Variants in APC observed in about 807,000 individuals in gnomAD.
APC encodes the protein APC regulator of Wnt signaling pathway.
Under a neutral mutation model 247.0 loss-of-function variants are expected in APC, and 72 were observed. The observed-to-expected ratio is 0.29, with a 90% CI of 0.24 to 0.35. The LOEUF is 0.35. Among genes scored for constraint, APC ranks in the 10% least tolerant of loss-of-function variants. The pLI, the probability that APC is intolerant of heterozygous loss-of-function variation, is 1.00. For synonymous variants in APC, 1,254 were observed against 1,162.5 expected (o/e 1.08, Z -1.60); for missense variants, 3,400 against 3,360.7 (o/e 1.01, Z -0.29).
rs1060503319 is a variant in APC at position 112,841,070 on chromosome 5, A to G, written c.5476A>G (p.Lys1826Glu). ...AAATAATTCCAAGGTCTTCAATGAT[A>G]AGCTCCCAAATAATGAAGATAGAGT... ...LKNNSKVFND[K>E]LPNNEDRVRG... The change falls in exon 16 of 16, where the codon AAG becomes GAG. Residue 1826 changes from lysine to glutamate, a missense_variant. Coordinates refer to ENST00000257430, the MANE Select transcript of APC (RefSeq NM_000038.6). This position sits in a 1 kb window ranked among gnomAD's most constrained non-coding sequence, Gnocchi z 4.6. 1 of 1,612,604 alleles carries G rather than the reference A, an allele frequency of 6.2e-7. No homozygotes were observed. Among genetic ancestry groups the G allele is most frequent in the East Asian group, 2.2e-5 (1 of 44,864 alleles).
rs2150012882 is a variant in APC, at chr5:112,845,757, T to C, written c.*1631T>C. 1 of 232,152 alleles carries C rather than the reference T, an allele frequency of 4.3e-6. No homozygotes were observed. The highest frequency in any genetic ancestry group is 1.8e-4 in the South Asian group (1 of 5,516). The allele number at this position is 232,152 out of a possible 1,614,324, so 14.4% of individuals were successfully genotyped here. ...TTATTAACTAAGATAATTTACTTAATATATCTTCCCTGATTTGTTTTAAAA... is the reference window on the plus strand; with the variant it reads ...TTATTAACTAAGATAATTTACTTAACATATCTTCCCTGATTTGTTTTAAAA... On this transcript the variant is annotated 3_prime_UTR_variant, in exon 16 of 16. Coordinates refer to ENST00000257430, the MANE Select transcript of APC (RefSeq NM_000038.6).
At chr5:112,725,374 C>G (rs1042489427) in intron 1 of APC, among the ~76,000 whole-genome samples, 2 of 152,040 alleles carry the variant, frequency 1.3e-5, no homozygotes, top group Non-Finnish European at 1.5e-5. Flanking sequence ...GGTTCTGTTC[C>G]CCAGAGGAAG....
At chr5:112,824,910 AGTTTTT>A (rs1356182217) in intron 11 of APC, among the ~76,000 whole-genome samples, 2 of 151,816 alleles carry the variant, frequency 1.3e-5, no homozygotes, top group Admixed American at 6.6e-5. Context: ...CTTCTGTTAT[AGTTTTT>A]GTTTTTGTTT....
intron 1 of APC, among the ~76,000 whole-genome samples, chr5:112,727,351 A>G (rs370011229): frequency 2.0e-4 from 30 of 152,324 alleles, no homozygotes; most frequent in East Asian, 5.8e-4. Context: ...GCATTAGGCA[A>G]TGCCATCTGC....
At chr5:112,708,065 C>T (rs1425135491) in intron 1 of APC, among the ~76,000 whole-genome samples, 1 of 152,236 alleles carries the variant, frequency 6.6e-6, no homozygotes, top group Non-Finnish European at 1.5e-5. Context: ...TTTGCAGGTC[C>T]TCCATTCTCA....
intron 1 of APC, among the ~76,000 whole-genome samples, chr5:112,741,737 C>T (rs1242774173): frequency 6.6e-6 from 1 of 152,076 alleles, no homozygotes; most frequent in Non-Finnish European, 1.5e-5. Context: ...TTTTAATCTT[C>T]CCTAATTAAA....
At position 112,843,113 on chromosome 5, in the gene APC, C is replaced by T. The variant is rs1561616229; in HGVS notation, c.7519C>T (p.Leu2507Phe). The T allele has an allele frequency of 6.2e-7, 1 of 1,614,074 alleles. No individual in the cohort carries two copies. The highest frequency in any genetic ancestry group is 8.5e-7 in the Non-Finnish European group (1 of 1,179,946). The change falls in exon 16 of 16, where the codon CTC becomes TTC. Residue 2507 changes from leucine to phenylalanine, a missense_variant. Leu to Phe is a conservative substitution (Grantham distance 22). Around this residue, in one of 9 missense-constraint regions of APC, gnomAD observed 1,788 missense variants for 1,649.5 expected, o/e 1.08. Coordinates refer to ENST00000257430, the MANE Select transcript of APC (RefSeq NM_000038.6). This position sits in a 1 kb window ranked among gnomAD's most constrained non-coding sequence, Gnocchi z 4.8. ...TGTTCAGGCTGGTGGATGGCGAAAA[C>T]TCCCACCTAATCTCAGTCCCACTAT... is the stretch of plus-strand genomic sequence containing the variant. ...SSVQAGGWRKLPPNLSPTIEY... is the reference protein window; with the variant it reads ...SSVQAGGWRKFPPNLSPTIEY...
At chr5:112,824,877 G>C (rs977529404) in intron 11 of APC, among the ~76,000 whole-genome samples, 2 of 151,976 alleles carry the variant, frequency 1.3e-5, no homozygotes, top group African/African-American at 2.4e-5. Context: ...CTCTGCCCTA[G>C]GCTCTTTTCC....
intron 3 of APC, 38 bp from the exon 4 acceptor site, chr5:112,767,151 G>A (rs759350976): frequency 6.7e-7 from 1 of 1,483,700 alleles, no homozygotes; most frequent in South Asian, 1.1e-5. Flanking sequence ...ACTGCTTAAA[G>A]CAATTGTTGT....
chr5:112,838,057 C>T lies in APC; in HGVS notation c.2463C>T (p.Val821=), dbSNP rs876658738. 1.3e-5 allele frequency: 21 copies of T among 1,614,144 alleles called. No homozygotes were observed. The highest frequency in any genetic ancestry group is 1.7e-5 in the Non-Finnish European group (20 of 1,180,010). Residue 821 remains valine (V), a synonymous_variant, in exon 16 of 16, where the codon GTC becomes GTT. Transcript: ENST00000257430. ...ATTTTAATACTGGCAACATGACTGTCCTTTCACCATATTTGAATACTACAG... is the reference window on the plus strand; with the variant it reads ...ATTTTAATACTGGCAACATGACTGTTCTTTCACCATATTTGAATACTACAG... ...SDNFNTGNMT[V]LSPYLNTTVL... is the part of the protein sequence containing the mutation.
In APC at chr5:112,811,038, CAA is replaced by C. The variant is rs35881722; in HGVS notation, c.835-4451_835-4450del. Among the ~76,000 whole-genome samples the C allele has an allele frequency of 5.6e-3, 786 of 139,506 alleles. 2 individuals carry two copies. Among genetic ancestry groups the C allele is most frequent in the African/African-American group, 0.019 (725 of 38,340 alleles). 91.5% of individuals were successfully genotyped at this position (139,506 alleles called of 152,430 possible). On this transcript the variant is annotated intron_variant, in intron 8 of 15. Transcript: ENST00000257430. ...AAACTCCATCTCACACACACACACACAAAAAAAGAACCAACATCTTAGAGAAA... is the reference window on the plus strand; with the variant it reads ...AAACTCCATCTCACACACACACACACAAAAAGAACCAACATCTTAGAGAAA...
At chr5:112,739,036 A>C (rs1482864416) in intron 1 of APC, among the ~76,000 whole-genome samples, 1 of 152,220 alleles carries the variant, frequency 6.6e-6, no homozygotes, top group Non-Finnish European at 1.5e-5. Flanking sequence ...AAATTTTTGT[A>C]GGCCTAATAT....
At chr5:112,765,957 A>AT (rs1278967212) in intron 2 of APC, among the ~76,000 whole-genome samples, 2 of 152,212 alleles carry the variant, frequency 1.3e-5, no homozygotes, top group Admixed American at 6.5e-5. Flanking sequence ...CACGCTTAAG[A>AT]GACATGGATT....
chr5:112,731,346 A>G (rs966481261), intron 1 of APC, among the ~76,000 whole-genome samples: 1 of 152,220 alleles, frequency 6.6e-6, no homozygotes, highest in Admixed American at 6.5e-5. Flanking sequence ...TTATTGGTTC[A>G]TAGTTATAGG....
At chr5:112,772,806 C>A (rs182499383) in intron 4 of APC, among the ~76,000 whole-genome samples, 1 of 152,334 alleles carries the variant, frequency 6.6e-6, no homozygotes, top group East Asian at 1.9e-4. Context: ...CGTGACCCGC[C>A]GTGCCTGGCC....
At chr5:112,836,674 G>A (rs909261166) in intron 15 of APC, among the ~76,000 whole-genome samples, 3 of 151,962 alleles carry the variant, frequency 2.0e-5, no homozygotes, top group Non-Finnish European at 4.4e-5. Context: ...AAAATAATAA[G>A]CACACAGTCT....
chr5:112,766,382 A>G lies in APC; in HGVS notation c.192A>G (p.Gly64=). Residue 64 remains glycine, a synonymous_variant, in exon 3 of 16, where the codon GGA becomes GGG. Coordinates refer to ENST00000257430, the MANE Select transcript of APC (RefSeq NM_000038.6). ...SIEDEAMASS[G]QIDLLERLKE... ...AAGATGAAGCTATGGCTTCTTCTGGACAGATTGATTTATTAGAGCGTCTTA... is the reference window on the plus strand; with the variant it reads ...AAGATGAAGCTATGGCTTCTTCTGGGCAGATTGATTTATTAGAGCGTCTTA... 1 of 1,612,278 alleles carries G rather than the reference A, an allele frequency of 6.2e-7. No homozygotes were observed. Among genetic ancestry groups the G allele is most frequent in the South Asian group, 1.1e-5 (1 of 91,030 alleles).
chr5:112,804,787 A>G (rs1195066343), intron 8 of APC, among the ~76,000 whole-genome samples: 1 of 152,094 alleles, frequency 6.6e-6, no homozygotes, highest in Non-Finnish European at 1.5e-5. Context: ...TCAGGGTAGA[A>G]GTTCGAGTTC....
At chr5:112,818,832 TTG>T (rs369189394) in intron 9 of APC, 132 bp from the exon 10 acceptor site, 28,047 of 682,770 alleles carry the variant, frequency 0.041, 149 homozygotes, top group East Asian at 0.14. Context: ...TTCCGGTTTT[TTG>T]TTTTTTTTTT....
Sources: allele counts gnomAD v4.1 joint callset (sites outside exome capture counted in the v4.1 genomes callset), GRCh38; gene constraint gnomAD v4.1.1; regional missense constraint gnomAD v4.1.1; non-coding constraint Gnocchi (gnomAD v3.1); transcripts MANE v1.5; gene names NCBI Gene and HGNC (gene_info 2026-07-23, HGNC 2026-07-21).